IMMP2L: variants seen among roughly 807,000 people sequenced by gnomAD.
The protein encoded by IMMP2L is mitochondrial inner membrane protease subunit 2.
IMMP2L carries 18 observed loss-of-function variants against 19.3 expected under a neutral mutation model. That is an observed-to-expected ratio of 0.93 (90% CI 0.64 to 1.38). The LOEUF (loss-of-function observed/expected upper bound fraction) is 1.38, where lower values mean the gene tolerates loss of function less well. Ranked by LOEUF, IMMP2L falls within the 40% of genes most tolerant of loss-of-function variation. IMMP2L has a pLI of 0.00. For missense variants in IMMP2L, 233 were observed against 218.2 expected, an observed-to-expected ratio of 1.07 and a Z score of -0.43; for synonymous variants, 76 against 73.0, an observed-to-expected ratio of 1.04 and a Z score of -0.21.
At chr7:110,967,163 A>AT (rs1290284638) in intron 3 of IMMP2L, among the ~76,000 whole-genome samples, 1 of 152,216 alleles carries the variant, frequency 6.6e-6, no homozygotes, top group East Asian at 1.9e-4. Context: ...TCTGTGTGGT[A>AT]TGGCAGAGAA....
chr7:111,171,556 C>T (rs915215522), intron 3 of IMMP2L, among the ~76,000 whole-genome samples: 1 of 151,094 alleles, frequency 6.6e-6, no homozygotes. Context: ...GAAAACATGG[C>T]AAAAAGAACA....
intron 3 of IMMP2L, among the ~76,000 whole-genome samples, chr7:111,387,900 C>T (rs1831930080): frequency 6.9e-6 from 1 of 145,534 alleles, no homozygotes; most frequent in African/African-American, 2.6e-5. Context: ...CACCTGAAAC[C>T]AGGAGGCAGA....
At chr7:111,084,392 G>A (rs1382159472) in intron 3 of IMMP2L, among the ~76,000 whole-genome samples, 2 of 151,862 alleles carry the variant, frequency 1.3e-5, no homozygotes, top group African/African-American at 4.8e-5. Context: ...AGTACAGAGT[G>A]CCTGGGGATC....
chr7:111,055,983 T>C (rs986632426), intron 3 of IMMP2L, among the ~76,000 whole-genome samples: 7 of 147,878 alleles, frequency 4.7e-5, no homozygotes, highest in African/African-American at 1.5e-4. Flanking sequence ...ACTCATGACA[T>C]TGAACTATTT....
intron 3 of IMMP2L, among the ~76,000 whole-genome samples, chr7:111,292,735 T>G (rs901417635): frequency 1.3e-5 from 2 of 152,050 alleles, no homozygotes; most frequent in East Asian, 3.8e-4. Flanking sequence ...TGGCAAATAT[T>G]GAACATTTTT....
At chr7:110,730,349 G>T (rs1421756799) in intron 5 of IMMP2L, among the ~76,000 whole-genome samples, 1 of 152,024 alleles carries the variant, frequency 6.6e-6, no homozygotes, top group Non-Finnish European at 1.5e-5. Context: ...TCTTCCTCCC[G>T]TGGTGGATGT....
intron 3 of IMMP2L, among the ~76,000 whole-genome samples, chr7:111,022,664 A>C (rs1041263959): frequency 6.6e-6 from 1 of 152,174 alleles, no homozygotes; most frequent in African/African-American, 2.4e-5. Flanking sequence ...CTCACAAAAA[A>C]TTTTGGCTCT....
At chr7:110,743,515 C>T (rs945205108) in intron 5 of IMMP2L, among the ~76,000 whole-genome samples, 5 of 149,696 alleles carry the variant, frequency 3.3e-5, no homozygotes, top group Admixed American at 2.7e-4. Context: ...GTCTTAGCAA[C>T]AGCTCTAGTC....
At chr7:111,429,901 C>T (rs192558375) in intron 3 of IMMP2L, among the ~76,000 whole-genome samples, 1 of 151,162 alleles carries the variant, frequency 6.6e-6, no homozygotes, top group African/African-American at 2.5e-5. Context: ...TGGAAAAGGG[C>T]AAACAGTATT....
chr7:110,776,441 C>T (rs189145814), intron 5 of IMMP2L, among the ~76,000 whole-genome samples: 34 of 152,132 alleles, frequency 2.2e-4, no homozygotes, highest in African/African-American at 7.9e-4. Context: ...TTTGCTTTAG[C>T]TGTGTGGCCC....
chr7:110,829,542 AAT>A (rs1419939917), intron 5 of IMMP2L, among the ~76,000 whole-genome samples: 1 of 152,184 alleles, frequency 6.6e-6, no homozygotes, highest in African/African-American at 2.4e-5. Context: ...AAAACGAAAA[AAT>A]ATTCCTTTCC....
chr7:110,783,978 T>C (rs1481626552), intron 5 of IMMP2L, among the ~76,000 whole-genome samples: 1 of 151,864 alleles, frequency 6.6e-6, no homozygotes, highest in Non-Finnish European at 1.5e-5. Flanking sequence ...AAATTAAAAA[T>C]CAAGTACTAT....
At chr7:111,203,518 T>A (rs1279157841) in intron 3 of IMMP2L, among the ~76,000 whole-genome samples, 1 of 150,150 alleles carries the variant, frequency 6.7e-6, no homozygotes, top group Admixed American at 6.7e-5. Context: ...AAAAAAGAAA[T>A]AATGTTTGGG....
At chr7:111,554,421 G>T (rs2133125201) in intron 1 of IMMP2L, among the ~76,000 whole-genome samples, 1 of 152,126 alleles carries the variant, frequency 6.6e-6, no homozygotes, top group East Asian at 1.9e-4. Context: ...CTATCGTGGG[G>T]CCATTAAGGA....
intron 3 of IMMP2L, among the ~76,000 whole-genome samples, chr7:111,465,369 C>T (rs1288482437): frequency 6.6e-6 from 1 of 151,812 alleles, no homozygotes; most frequent in Non-Finnish European, 1.5e-5. Context: ...TTTTAAAAGA[C>T]AGTTTTCAAA....
At chr7:110,801,758 G>A (rs1201172951) in intron 5 of IMMP2L, among the ~76,000 whole-genome samples, 1 of 152,062 alleles carries the variant, frequency 6.6e-6, no homozygotes, top group Non-Finnish European at 1.5e-5. Context: ...CACAGGCACT[G>A]GTAAGGTATG....
chr7:110,747,440 C>A (rs1291931084), intron 5 of IMMP2L, among the ~76,000 whole-genome samples: 1 of 152,070 alleles, frequency 6.6e-6, no homozygotes, highest in African/African-American at 2.4e-5. Context: ...GGCAGAGACA[C>A]AACAAAAAAG....
intron 2 of IMMP2L, among the ~76,000 whole-genome samples, chr7:111,492,774 T>G (rs564994987): frequency 6.6e-6 from 1 of 152,212 alleles, no homozygotes; most frequent in Non-Finnish European, 1.5e-5. Flanking sequence ...AAGTAAGTAT[T>G]AGAATCAACA....
chr7:110,809,876 T>C (rs1801904415), intron 5 of IMMP2L, among the ~76,000 whole-genome samples: 1 of 151,988 alleles, frequency 6.6e-6, no homozygotes, highest in Non-Finnish European at 1.5e-5. Flanking sequence ...AAATAAAAAT[T>C]ACTCCTCTTT....
Sources: gnomAD v4.1 joint callset for allele counts (sites outside exome capture counted in the v4.1 genomes callset) on GRCh38, gnomAD v4.1.1 for gene constraint, MANE v1.5 for transcripts, NCBI Gene and HGNC (gene_info 2026-07-23, HGNC 2026-07-21) for gene names.